The following ZPBP variants were observed in gnomAD, a reference collection of about 807,000 sequenced individuals.
ZPBP encodes zona pellucida-binding protein 1.
A neutral mutation model predicts 44.8 loss-of-function variants in ZPBP; 26 were observed. That is an observed-to-expected ratio of 0.58 (90% CI 0.43 to 0.81). The LOEUF is 0.81. Among genes scored for constraint, ZPBP ranks in the 30% least tolerant of loss-of-function variants. The probability of loss-of-function intolerance (pLI) is 0.00; values close to 1 mark genes in which losing one functional copy is unlikely to be tolerated. For missense variants in ZPBP, 409 were observed against 434.0 expected, an observed-to-expected ratio of 0.94 and a Z score of 0.51; for synonymous variants, 174 against 153.2, an observed-to-expected ratio of 1.14 and a Z score of -1.00.
rs190906428 is a variant in ZPBP at position 49,987,784 on chromosome 7, A to G, written c.784-4265T>C. ...TGTGTGTGTGTGTGCAATGTCTATA[A>G]AAAAGAGCTCTAATTAACTGATTTG... On this transcript the variant is annotated intron_variant, in intron 6 of 7. Coordinates refer to ENST00000046087, the MANE Select transcript of ZPBP (RefSeq NM_007009.3). 8.8e-4 allele frequency among the ~76,000 whole-genome samples: 133 copies of G among 151,122 alleles called. 1 individual carries two copies. The highest frequency in any genetic ancestry group is 3.2e-3 in the African/African-American group (131 of 41,166).
chr7:49,887,447 A>T (rs1791949900), intron 2 of ZPBP, among the ~76,000 whole-genome samples: 1 of 152,194 alleles, frequency 6.6e-6, no homozygotes, highest in Admixed American at 6.5e-5. Flanking sequence ...TATATAATTG[A>T]TTTATTAGTG....
At chr7:49,927,720 A>G (rs1583856302) in intron 1 of ZPBP, among the ~76,000 whole-genome samples, 1 of 152,194 alleles carries the variant, frequency 6.6e-6, no homozygotes, top group Non-Finnish European at 1.5e-5. Context: ...CCATTCCACC[A>G]TTCTATTACC....
intron 2 of ZPBP, among the ~76,000 whole-genome samples, chr7:49,884,492 T>C (rs1456635735): frequency 1.3e-5 from 2 of 152,152 alleles, no homozygotes; most frequent in African/African-American, 2.4e-5. Flanking sequence ...TCCTGATGGA[T>C]GAGGGGTGTG....
chr7:50,060,997 T>C (rs906943119), intron 3 of ZPBP, among the ~76,000 whole-genome samples: 6 of 152,124 alleles, frequency 3.9e-5, no homozygotes, highest in Admixed American at 1.3e-4. Context: ...GGATGCAAGG[T>C]TGGTTCAACA....
At chr7:49,909,818 C>A (rs1306087185) in intron 1 of ZPBP, among the ~76,000 whole-genome samples, 1 of 152,122 alleles carries the variant, frequency 6.6e-6, no homozygotes, top group Non-Finnish European at 1.5e-5. Flanking sequence ...AAAAGAAAGT[C>A]CAGGGCTGGG....
At chr7:49,880,620 C>T (rs1791621562) in intron 2 of ZPBP, among the ~76,000 whole-genome samples, 1 of 150,564 alleles carries the variant, frequency 6.6e-6, no homozygotes. Context: ...ACTTTAAGTT[C>T]TAGGGTACAT....
chr7:50,005,604 T>G (rs1249063182), intron 6 of ZPBP, among the ~76,000 whole-genome samples: 1 of 151,720 alleles, frequency 6.6e-6, no homozygotes, highest in Non-Finnish European at 1.5e-5. Flanking sequence ...CCCCAGGCAA[T>G]CACAAATACT....
intron 4 of ZPBP, among the ~76,000 whole-genome samples, chr7:50,046,681 T>A (rs1043513067): frequency 6.6e-6 from 1 of 152,144 alleles, no homozygotes. Context: ...ATAGGAACAC[T>A]TTTACACTGT....
rs1297468392 is a variant in ZPBP, at chr7:49,877,512, A to G, written n.509+23606T>C. ...TATATATATATATATATATATATATATATATAGTTATTTGGTCACTTGCTT... is the reference window on the plus strand; with the variant it reads ...TATATATATATATATATATATATATGTATATAGTTATTTGGTCACTTGCTT... On this transcript the variant is annotated intron_variant and non_coding_transcript_variant, in intron 2 of 2. Transcript: ENST00000465922. Among the ~76,000 whole-genome samples the G allele has an allele frequency of 4.1e-5, 4 of 98,352 alleles. No individual in the cohort carries two copies. In the South Asian group the frequency reaches 1.4e-3, roughly 35 times the overall value. 64.5% of individuals were successfully genotyped at this position (98,352 alleles called of 152,430 possible). A position where few individuals can be genotyped will look rare whatever the true frequency, so the allele number is the denominator to read the frequency against.
At chr7:50,012,438 T>C (rs758278592) in intron 6 of ZPBP, among the ~76,000 whole-genome samples, 54 of 151,974 alleles carry the variant, frequency 3.6e-4, no homozygotes, top group Non-Finnish European at 6.8e-4. Flanking sequence ...CAAGTCATTT[T>C]GCAAGGCCAC....
At chr7:49,849,390 C>G (rs1451475162), downstream of ZPBP, among the ~76,000 whole-genome samples, 6 of 152,164 alleles carry the variant, frequency 3.9e-5, no homozygotes, top group Admixed American at 3.9e-4. Context: ...TGCTGTGTGT[C>G]CTGCCACTGC....
chr7:49,853,297 C>T (rs943438589), intron 2 of ZPBP, among the ~76,000 whole-genome samples: 5 of 152,220 alleles, frequency 3.3e-5, no homozygotes, highest in East Asian at 1.9e-4. Flanking sequence ...AACCTGTGGC[C>T]GGCCCCCAGC....
chr7:49,909,402 C>T (rs1026825507), intron 1 of ZPBP, among the ~76,000 whole-genome samples: 4 of 152,166 alleles, frequency 2.6e-5, no homozygotes, highest in Admixed American at 1.3e-4. Flanking sequence ...AGGCACCATC[C>T]GAATGGTCAC....
intron 3 of ZPBP, among the ~76,000 whole-genome samples, chr7:50,079,914 G>T (rs1038281769): frequency 5.3e-5 from 8 of 151,556 alleles, no homozygotes; most frequent in African/African-American, 1.7e-4. Flanking sequence ...TGCAATAAAT[G>T]CAATTACCTT....
intron 7 of ZPBP, among the ~76,000 whole-genome samples, chr7:49,971,848 A>G (rs935530163): frequency 6.6e-6 from 1 of 152,090 alleles, no homozygotes; most frequent in East Asian, 1.9e-4. Context: ...AATTCAATAA[A>G]ATATTAGAAA....
At chr7:49,975,956 A>G (rs1035093931) in intron 7 of ZPBP, among the ~76,000 whole-genome samples, 3 of 152,114 alleles carry the variant, frequency 2.0e-5, no homozygotes, top group South Asian at 4.1e-4. Context: ...TTTTGGGGTA[A>G]CATTTTTTCT....
chr7:49,963,089 T>C (rs1030434530), intron 7 of ZPBP, among the ~76,000 whole-genome samples: 1 of 151,528 alleles, frequency 6.6e-6, no homozygotes, highest in Non-Finnish European at 1.5e-5. Flanking sequence ...TATATATGAA[T>C]GTGCAAAGAG....
At chr7:49,983,548 G>A (rs757230369) in intron 6 of ZPBP, 29 bp from the exon 7 acceptor site, 2 of 1,397,134 alleles carry the variant, frequency 1.4e-6, no homozygotes, top group Admixed American at 4.0e-5. Flanking sequence ...TTGATAAACT[G>A]TTAGCCATAA....
chr7:50,074,143 A>C (rs1240110739), intron 3 of ZPBP, among the ~76,000 whole-genome samples: 1 of 152,110 alleles, frequency 6.6e-6, no homozygotes, highest in African/African-American at 2.4e-5. Flanking sequence ...AGGGGGATTA[A>C]ATTAAGGCAT....
Sources: gnomAD v4.1 joint callset for allele counts (sites outside exome capture counted in the v4.1 genomes callset) on GRCh38, gnomAD v4.1.1 for gene constraint, MANE v1.5 for transcripts, NCBI Gene and HGNC (gene_info 2026-07-23, HGNC 2026-07-21) for gene names.